CTNND2: variants seen among roughly 807,000 people sequenced by gnomAD.
The protein encoded by CTNND2 is catenin delta-2.
Under a neutral mutation model 144.4 loss-of-function variants are expected in CTNND2, and 22 were observed. The observed-to-expected ratio is 0.15, with a 90% CI of 0.11 to 0.22. CTNND2 has a LOEUF of 0.22. CTNND2 is among the 10% of genes least tolerant of loss of function. The probability of loss-of-function intolerance (pLI) is 1.00; values close to 1 mark genes in which losing one functional copy is unlikely to be tolerated. For missense variants in CTNND2, 1,353 were observed against 1,618.8 expected (o/e 0.84, Z 2.82); for synonymous variants, 751 against 695.6 (o/e 1.08, Z -1.25).
In CTNND2 at chr5:11,714,766, G is replaced by A. The variant is rs574242694; in HGVS notation, c.174+17370C>T. On this transcript the variant is annotated intron_variant, in intron 2 of 21. Transcript: ENST00000304623. Reference sequence around the variant, plus strand: ...CTAAAAATACAAAAAAAAATTAGCCGGGCATGGTGGCAGGTGCCTGTAGTC... The same window carrying A: ...CTAAAAATACAAAAAAAAATTAGCCAGGCATGGTGGCAGGTGCCTGTAGTC... Among the ~76,000 whole-genome samples the A allele has an allele frequency of 6.8e-4, 104 of 151,880 alleles. 1 individual carries two copies. The highest frequency in any genetic ancestry group is 2.1e-3 in the African/African-American group (88 of 41,412).
At chr5:11,773,833 T>C (rs1479244627) in intron 1 of CTNND2, among the ~76,000 whole-genome samples, 2 of 143,226 alleles carry the variant, frequency 1.4e-5, no homozygotes, top group Admixed American at 7.0e-5. Flanking sequence ...AAAAAAAGCA[T>C]ACAACAAACA....
At chr5:11,240,585 TAC>T in intron 9 of CTNND2, among the ~76,000 whole-genome samples, 1 of 45,144 alleles carries the variant, frequency 2.2e-5, no homozygotes, top group Non-Finnish European at 4.2e-5. Context: ...AACACACACA[TAC>T]TCAGCACACA....
At chr5:11,111,786 G>A (rs1449551726) in intron 13 of CTNND2, among the ~76,000 whole-genome samples, 11 of 152,060 alleles carry the variant, frequency 7.2e-5, no homozygotes, top group Admixed American at 7.2e-4. Flanking sequence ...AGGTTCTTGT[G>A]CATTAGTTGA....
At chr5:11,543,630 C>T (rs959995039) in intron 3 of CTNND2, among the ~76,000 whole-genome samples, 9 of 61,186 alleles carry the variant, frequency 1.5e-4, no homozygotes, top group Admixed American at 6.9e-4. Flanking sequence ...ATATCAGTAA[C>T]GCTGTTTTTT....
chr5:10,982,081 CACAG>C (rs1431838021), intron 20 of CTNND2, among the ~76,000 whole-genome samples: 3 of 152,180 alleles, frequency 2.0e-5, no homozygotes, highest in Non-Finnish European at 4.4e-5. Context: ...ATGTTCACAT[CACAG>C]ACAGGGTCAG....
intron 2 of CTNND2, among the ~76,000 whole-genome samples, chr5:11,729,965 A>ATTTG (rs1787242637): frequency 1.8e-5 from 2 of 109,656 alleles, no homozygotes; most frequent in South Asian, 5.7e-4. Flanking sequence ...AACATTCATT[A>ATTTG]CTTGCTTGCA....
intron 9 of CTNND2, among the ~76,000 whole-genome samples, chr5:11,260,022 T>C: frequency 6.6e-6 from 1 of 152,248 alleles, no homozygotes; most frequent in Admixed American, 6.5e-5. Context: ...ATGACTTTCC[T>C]ATGCAGCTCT....
intron 2 of CTNND2, among the ~76,000 whole-genome samples, chr5:11,647,090 C>A (rs1463526495): frequency 1.3e-5 from 2 of 152,214 alleles, no homozygotes; most frequent in East Asian, 1.9e-4. Context: ...TCGGTCACCA[C>A]TGTCCCTGTC....
intron 3 of CTNND2, among the ~76,000 whole-genome samples, chr5:11,450,355 C>A (rs1169152241): frequency 6.6e-6 from 1 of 152,160 alleles, no homozygotes; most frequent in East Asian, 1.9e-4. Context: ...CACCATGCAA[C>A]AGAACAGTCG....
Position 11,452,860 on chromosome 5 carries a change from C to A in CTNND2, c.288-40791G>T, listed in dbSNP as rs61760270. On this transcript the variant is annotated intron_variant, in intron 3 of 21. Transcript: ENST00000304623. Reference sequence around the variant, plus strand: ...CATTTGTCTGAAGTACATAGGTTTGCGATCTATCCTAATATATGTATATGA... The same window carrying A: ...CATTTGTCTGAAGTACATAGGTTTGAGATCTATCCTAATATATGTATATGA... Among the ~76,000 whole-genome samples, 378 of 152,260 alleles carry A rather than the reference C, an allele frequency of 2.5e-3. 1 individual carries two copies. Among genetic ancestry groups the A allele is most frequent in the African/African-American group, 8.6e-3 (358 of 41,542 alleles).
chr5:11,429,756 A>G (rs1301739674), intron 3 of CTNND2, among the ~76,000 whole-genome samples: 1 of 152,166 alleles, frequency 6.6e-6, no homozygotes, highest in East Asian at 1.9e-4. Context: ...AAAGCATCAG[A>G]AAAACGAAGT....
chr5:11,490,678 ATTGCTTAGATAAT>A (rs1561468830), intron 3 of CTNND2, among the ~76,000 whole-genome samples: 1 of 152,210 alleles, frequency 6.6e-6, no homozygotes, highest in Non-Finnish European at 1.5e-5. Flanking sequence ...TTGGTTTTTC[ATTGCTTAGATAAT>A]TTGCTTAGAT....
At chr5:11,712,944 TATAGTCATTC>T (rs1581760181) in intron 2 of CTNND2, among the ~76,000 whole-genome samples, 2 of 152,300 alleles carry the variant, frequency 1.3e-5, no homozygotes, top group African/African-American at 4.8e-5. Flanking sequence ...TTTTTGATAA[TATAGTCATTC>T]ATAGTATCCT....
chr5:11,265,316 G>A (rs1449020978), intron 9 of CTNND2, among the ~76,000 whole-genome samples: 3 of 152,162 alleles, frequency 2.0e-5, no homozygotes, highest in African/African-American at 7.2e-5. Flanking sequence ...GGGAATCAGT[G>A]AAAGCTTGAT....
chr5:11,883,831 C>G (rs1736315522), intron 1 of CTNND2, among the ~76,000 whole-genome samples: 4 of 152,210 alleles, frequency 2.6e-5, no homozygotes, highest in Admixed American at 2.6e-4. Flanking sequence ...TCCACATCCT[C>G]TCCAGCATCT....
chr5:11,433,255 A>C (rs31816), intron 3 of CTNND2, among the ~76,000 whole-genome samples: 20,540 of 151,876 alleles, frequency 0.14, 3,504 homozygotes, highest in African/African-American at 0.39. Flanking sequence ...CACACACACA[A>C]AAAAAAATTA....
At chr5:11,039,327 C>T (rs1003550589) in intron 16 of CTNND2, among the ~76,000 whole-genome samples, 1 of 152,166 alleles carries the variant, frequency 6.6e-6, no homozygotes, top group Non-Finnish European at 1.5e-5. Context: ...TAAATGTAGA[C>T]GGCTGGTCTT....
At chr5:11,711,276 G>C (rs1422489844) in intron 2 of CTNND2, among the ~76,000 whole-genome samples, 1 of 151,886 alleles carries the variant, frequency 6.6e-6, no homozygotes, top group Non-Finnish European at 1.5e-5. Flanking sequence ...GGCTGGTCTT[G>C]GAACTCCTGA....
intron 3 of CTNND2, among the ~76,000 whole-genome samples, chr5:11,420,081 T>C (rs1180983730): frequency 1.3e-5 from 2 of 152,070 alleles, no homozygotes; most frequent in African/African-American, 4.8e-5. Context: ...TCCCACAAGT[T>C]TGGGAGGCCG....
Sources: gnomAD v4.1 joint callset for allele counts (sites outside exome capture counted in the v4.1 genomes callset) on GRCh38, gnomAD v4.1.1 for gene constraint, MANE v1.5 for transcripts, NCBI Gene and HGNC (gene_info 2026-07-23, HGNC 2026-07-21) for gene names.